Variants in FAT3 observed in about 807,000 individuals in gnomAD.
FAT3 encodes the protein FAT atypical cadherin 3.
In FAT3, 95 loss-of-function variants were observed where a neutral mutation model predicts 310.2. That is an observed-to-expected ratio of 0.31 (90% CI 0.26 to 0.36). FAT3 has a LOEUF of 0.36. FAT3 is among the 10% of genes least tolerant of loss of function. The probability of loss-of-function intolerance (pLI) is 1.00; values close to 1 mark genes in which losing one functional copy is unlikely to be tolerated. For synonymous variants in FAT3, 2,314 were observed against 2,192.9 expected, an observed-to-expected ratio of 1.06 and a Z score of -1.54; for missense variants, 5,408 against 5,715.6, an observed-to-expected ratio of 0.95 and a Z score of 1.74.
chr11:92,502,805 A>G lies in FAT3; in HGVS notation c.3293-21829A>G, dbSNP rs1243694290. On this transcript the variant is annotated intron_variant, in intron 2 of 27. Transcript: ENST00000525166. ...CATAGATGGGCATTTGTATTTGATC[A>G]TCATGATGTACTTATTGTGCTGAGG... is the stretch of plus-strand genomic sequence containing the variant. 3.9e-5 allele frequency among the ~76,000 whole-genome samples: 6 copies of G among 152,100 alleles called. No individual in the cohort carries two copies. The South Asian group carries it at 1.2e-3, about 31-fold the overall frequency.
intron 21 of FAT3, among the ~76,000 whole-genome samples, chr11:92,860,769 C>T (rs1949100779): frequency 6.6e-6 from 1 of 152,160 alleles, no homozygotes; most frequent in Non-Finnish European, 1.5e-5. Context: ...ACATTAAATG[C>T]CAGTGGGCTT....
chr11:92,798,282 A>G lies in FAT3; in HGVS notation c.5269A>G (p.Ile1757Val). The change falls in exon 10 of 28, where the codon ATT (isoleucine) becomes GTT (valine). Residue 1757 changes from isoleucine (I) to valine (V), a missense_variant. Physicochemically the swap from Ile to Val is conservative, Grantham distance 29 (BLOSUM62 3). Transcript: ENST00000525166. ...AGMASNATVN[I>V]QIVDENDNAP... ...AATGGCTTCCAATGCTACAGTCAAT[A>G]TTCAGATTGTTGATGAAAATGATAA... The G allele has an allele frequency of 6.2e-7, 1 of 1,613,920 alleles. No homozygotes were observed. Among genetic ancestry groups the G allele is most frequent in the Non-Finnish European group, 8.5e-7 (1 of 1,179,864 alleles).
Position 92,810,066 on chromosome 11 carries a change from C to T in FAT3, c.9471C>T (p.Asp3157=), listed in dbSNP as rs370909316. Residue 3157 remains aspartate, a synonymous_variant, in exon 13 of 28, where the codon GAC becomes GAT. Transcript: ENST00000525166. ...KALLTRVQAV[D]PDIGINRKVV... ...TGTTGACCAGAGTTCAAGCCGTGGA[C>T]CCCGACATTGGTAAGTCAGTTGCAG... The T allele has an allele frequency of 3.4e-4, 551 of 1,613,690 alleles. 10 individuals carry two copies. The South Asian group carries it at 5.6e-3, about 16-fold the overall frequency.
At chr11:92,429,703 C>T (rs1950722225) in intron 2 of FAT3, among the ~76,000 whole-genome samples, 2 of 151,922 alleles carry the variant, frequency 1.3e-5, no homozygotes, top group Non-Finnish European at 2.9e-5. Flanking sequence ...GAATATTGGC[C>T]CTCACTCTCT....
intron 1 of FAT3, among the ~76,000 whole-genome samples, chr11:92,341,279 G>A (rs920447880): frequency 1.3e-5 from 2 of 152,144 alleles, no homozygotes; most frequent in South Asian, 4.1e-4. Flanking sequence ...CTGCAGCCTC[G>A]GGCTCTTTAG....
intron 4 of FAT3, among the ~76,000 whole-genome samples, chr11:92,722,500 C>G (rs1313923429): frequency 6.6e-6 from 1 of 152,174 alleles, no homozygotes; most frequent in Admixed American, 6.5e-5. Context: ...ACAGTGCAAG[C>G]TGTCAGTGGA....
intron 3 of FAT3, among the ~76,000 whole-genome samples, chr11:92,676,674 C>G (rs1168669917): frequency 6.6e-6 from 1 of 152,098 alleles, no homozygotes; most frequent in Non-Finnish European, 1.5e-5. Context: ...GGATCTTAGT[C>G]AAAGTGAGAT....
At chr11:92,479,285 A>G (rs2511003) in intron 2 of FAT3, among the ~76,000 whole-genome samples, 80,816 of 151,108 alleles carry the variant, frequency 0.53, 22,051 homozygotes, top group East Asian at 0.7. Flanking sequence ...TGCTGGGATT[A>G]CAGGTATGAG....
At chr11:92,391,156 T>C (rs1949740515) in intron 2 of FAT3, among the ~76,000 whole-genome samples, 1 of 152,190 alleles carries the variant, frequency 6.6e-6, no homozygotes, top group Admixed American at 6.5e-5. Flanking sequence ...TGATTTTATA[T>C]CCATGTGAGA....
rs202033909 is a variant in FAT3, at chr11:92,598,228, A to ATTT, written c.3607+73281_3607+73282insTTT. ...TATATATGTATACATATATATATAT[A>ATTT]TATTTTTTTTTTTTTTGAGACAAAG... On this transcript the variant is annotated intron_variant, in intron 3 of 27. Transcript: ENST00000525166. Among the ~76,000 whole-genome samples, 709 of 129,086 alleles carry ATTT rather than the reference A, an allele frequency of 5.5e-3. 7 individuals are homozygous for ATTT. Among genetic ancestry groups the ATTT allele is most frequent in the African/African-American group, 0.021 (655 of 31,340 alleles). The allele number at this position is 129,086 out of a possible 152,430, so 84.7% of individuals were successfully genotyped here.
At chr11:92,617,744 G>A (rs1288168005) in intron 3 of FAT3, among the ~76,000 whole-genome samples, 2 of 152,152 alleles carry the variant, frequency 1.3e-5, no homozygotes, top group African/African-American at 2.4e-5. Context: ...TTTGCTGGAG[G>A]ACCACTCCAG....
intron 2 of FAT3, among the ~76,000 whole-genome samples, chr11:92,442,333 T>C (rs1043032394): frequency 6.7e-6 from 1 of 150,172 alleles, no homozygotes; most frequent in African/African-American, 2.4e-5. Flanking sequence ...TAGGATGGTC[T>C]CGATCTCCTG....
In FAT3 at chr11:92,793,951, C is replaced by A. The variant is rs1047547489; in HGVS notation, c.4822+974C>A. ...AACAACCTTCTAAAAAAAAAAAGTT[C>A]TTTCATTGAATGATAACTTAGAACT... On this transcript the variant is annotated intron_variant, in intron 9 of 27. Transcript: ENST00000525166. Among the ~76,000 whole-genome samples, 124 of 151,928 alleles carry A rather than the reference C, an allele frequency of 8.2e-4. 1 individual carries two copies. Among genetic ancestry groups the A allele is most frequent in the African/African-American group, 2.8e-3 (117 of 41,486 alleles).
At chr11:92,531,569 G>A (rs999068612) in intron 3 of FAT3, among the ~76,000 whole-genome samples, 2 of 152,124 alleles carry the variant, frequency 1.3e-5, no homozygotes, top group African/African-American at 4.8e-5. Flanking sequence ...TGGAACTACA[G>A]TTCATTCTGG....
rs1219752672 is a variant in FAT3, at chr11:92,799,354, G to A, written c.6341G>A (p.Gly2114Asp). 3 of 1,613,880 alleles carry A rather than the reference G, an allele frequency of 1.9e-6. No homozygotes were observed. The highest frequency in any genetic ancestry group is 4.5e-5 in the East Asian group (2 of 44,846). Residue 2114 changes from glycine (G) to aspartate (D), a missense_variant, in exon 10 of 28, where the codon GGT becomes GAT. This residue lies in a region of FAT3 where 4,588 missense variants were observed against 4,809.8 expected (regional missense o/e 0.95). Coordinates refer to ENST00000525166, the MANE Select transcript of FAT3 (RefSeq NM_001367949.2). ...YQVTAIDKDKGPNGEVTYVLQ... is the reference protein window; with the variant it reads ...YQVTAIDKDKDPNGEVTYVLQ... ...GTGACAGCCATTGACAAAGATAAAG[G>A]TCCAAATGGAGAAGTGACCTATGTC...
intron 4 of FAT3, among the ~76,000 whole-genome samples, chr11:92,759,926 T>C (rs557049698): frequency 6.6e-6 from 1 of 152,102 alleles, no homozygotes; most frequent in African/African-American, 2.4e-5. Flanking sequence ...GATGAAGACA[T>C]TGAGAGTTGT....
At chr11:92,296,391 C>A (rs1382309173) in intron 1 of FAT3, among the ~76,000 whole-genome samples, 1 of 152,026 alleles carries the variant, frequency 6.6e-6, no homozygotes, top group East Asian at 1.9e-4. Flanking sequence ...TGTTTAAGGG[C>A]TAAATGAGAC....
At chr11:92,569,464 G>A (rs1359440798) in intron 3 of FAT3, among the ~76,000 whole-genome samples, 1 of 152,068 alleles carries the variant, frequency 6.6e-6, no homozygotes, top group Non-Finnish European at 1.5e-5. Context: ...CTGATGAGGG[G>A]GACAGAGGGA....
chr11:92,433,049 C>A (rs1950832076), intron 2 of FAT3, among the ~76,000 whole-genome samples: 1 of 152,138 alleles, frequency 6.6e-6, no homozygotes, highest in Non-Finnish European at 1.5e-5. Flanking sequence ...GGAAAACCAC[C>A]TACTGAAGCC....
Sources: gnomAD v4.1 joint callset for allele counts (sites outside exome capture counted in the v4.1 genomes callset) on GRCh38, gnomAD v4.1.1 for gene constraint, gnomAD v4.1.1 regional missense constraint, MANE v1.5 for transcripts, NCBI Gene and HGNC (gene_info 2026-07-23, HGNC 2026-07-21) for gene names.